PCDHA12: variants seen among roughly 807,000 people sequenced by gnomAD.
The protein encoded by PCDHA12 is protocadherin alpha 12.
Under a neutral mutation model 60.0 loss-of-function variants are expected in PCDHA12, and 44 were observed. The observed-to-expected ratio is 0.73, with a 90% CI of 0.58 to 0.94. PCDHA12 has a LOEUF of 0.94. Ranked by LOEUF, PCDHA12 falls within the 40% of genes least tolerant of loss-of-function variation. PCDHA12 has a pLI of 0.00. For missense variants in PCDHA12, 1,276 were observed against 1,239.7 expected, an observed-to-expected ratio of 1.03 and a Z score of -0.44; for synonymous variants, 569 against 553.0, an observed-to-expected ratio of 1.03 and a Z score of -0.40.
chr5:140,883,581 C>T (rs144119560), intron 1 of PCDHA12: 1 of 1,614,018 alleles, frequency 6.2e-7, no homozygotes, highest in Non-Finnish European at 8.5e-7. Flanking sequence ...CTGTGGGCCA[C>T]GGCCAGCGTG....
intron 1 of PCDHA12, among the ~76,000 whole-genome samples, chr5:140,975,398 TCA>T (rs1554236785): frequency 1.3e-4 from 20 of 152,270 alleles, no homozygotes. Flanking sequence ...TCCATCACAA[TCA>T]CAGTCTTGGA....
intron 1 of PCDHA12, chr5:140,882,751 T>C: frequency 6.2e-7 from 1 of 1,614,242 alleles, no homozygotes; most frequent in Non-Finnish European, 8.5e-7. Flanking sequence ...CCGATGCAGA[T>C]ATTGGAGTAA....
intron 1 of PCDHA12, among the ~76,000 whole-genome samples, chr5:140,897,322 A>C (rs1407696399): frequency 7.4e-6 from 1 of 134,448 alleles, no homozygotes; most frequent in Non-Finnish European, 1.6e-5. Context: ...TCCTAAAGCT[A>C]TCCCTCCCCC....
In PCDHA12 at chr5:140,885,198, T is replaced by A. The variant is rs531029212; in HGVS notation, c.2367+7359T>A. On this transcript the variant is annotated intron_variant, in intron 1 of 3. Coordinates refer to ENST00000398631, the MANE Select transcript of PCDHA12 (RefSeq NM_018903.4). ...TAGGCACATCAGTGTTCCCCTCTCATATATCCCATGAAAAATATCTTGTGA... is the reference window on the plus strand; with the variant it reads ...TAGGCACATCAGTGTTCCCCTCTCAAATATCCCATGAAAAATATCTTGTGA... Among the ~76,000 whole-genome samples the A allele has an allele frequency of 5.9e-5, 9 of 152,276 alleles. No homozygotes were observed. In the South Asian group the frequency reaches 1.7e-3, roughly 28 times the overall value.
At chr5:140,941,634 T>G (rs2093133728) in intron 1 of PCDHA12, among the ~76,000 whole-genome samples, 1 of 152,074 alleles carries the variant, frequency 6.6e-6, no homozygotes, top group South Asian at 2.1e-4. Context: ...TCTTAATTTC[T>G]GTCTTCCTAC....
At chr5:140,969,342 G>A in intron 1 of PCDHA12, 1 of 1,613,630 alleles carries the variant, frequency 6.2e-7, no homozygotes, top group Non-Finnish European at 8.5e-7. Flanking sequence ...GTGAGACAGT[G>A]GTCAGGGGGT....
At chr5:140,882,454 C>G (rs782708863) in intron 1 of PCDHA12, 12 of 1,613,934 alleles carry the variant, frequency 7.4e-6, no homozygotes, top group Non-Finnish European at 1.0e-5. Flanking sequence ...TGGTGCCGCG[C>G]CTGTTCCGGG....
Position 140,994,911 on chromosome 5 carries a change from A to G in PCDHA12, c.2515+12348A>G, listed in dbSNP as rs527704488. Among the ~76,000 whole-genome samples, 14 of 152,340 alleles carry G rather than the reference A, an allele frequency of 9.2e-5. No homozygotes were observed. The East Asian group carries it at 1.7e-3, about 19-fold the overall frequency. On this transcript the variant is annotated intron_variant, in intron 3 of 3. Transcript: ENST00000398631. ...AAATGAGATCAGAAATGTAGACTGGAATCAGATTTTGTAGGACCTTAAACA... is the reference window on the plus strand; with the variant it reads ...AAATGAGATCAGAAATGTAGACTGGGATCAGATTTTGTAGGACCTTAAACA...
intron 3 of PCDHA12, among the ~76,000 whole-genome samples, chr5:140,998,223 G>A (rs1554256200): frequency 6.6e-6 from 1 of 152,140 alleles, no homozygotes; most frequent in Non-Finnish European, 1.5e-5. Context: ...ACCACACCCA[G>A]AAATTTGTGC....
intron 1 of PCDHA12, chr5:140,928,020 T>G: frequency 1.2e-6 from 2 of 1,614,182 alleles, no homozygotes; most frequent in Middle Eastern, 1.6e-4. Context: ...GTAGGGTCAT[T>G]TGTGGCATGT....
chr5:140,933,762 T>C (rs2089409260), intron 1 of PCDHA12, among the ~76,000 whole-genome samples: 1 of 152,128 alleles, frequency 6.6e-6, no homozygotes, highest in African/African-American at 2.4e-5. Flanking sequence ...AGTGAAGCTC[T>C]CTGTACCTAC....
At chr5:140,927,598 T>G (rs2084398863) in intron 1 of PCDHA12, 1 of 1,614,046 alleles carries the variant, frequency 6.2e-7, no homozygotes, top group African/African-American at 1.3e-5. Flanking sequence ...ATTTGAGCGC[T>G]CCGTATACCG....
At chr5:140,958,652 G>A (rs991773774) in intron 1 of PCDHA12, among the ~76,000 whole-genome samples, 15 of 152,030 alleles carry the variant, frequency 9.9e-5, no homozygotes, top group Admixed American at 2.6e-4. Flanking sequence ...ATCACAGAAA[G>A]CTATGATGAA....
chr5:140,945,321 A>G (rs558331825), intron 1 of PCDHA12, among the ~76,000 whole-genome samples: 1 of 152,258 alleles, frequency 6.6e-6, no homozygotes, highest in Non-Finnish European at 1.5e-5. Flanking sequence ...AAATGGAAAT[A>G]TATTTTATGT....
intron 1 of PCDHA12, chr5:140,927,446 TG>T: frequency 2.1e-5 from 34 of 1,614,128 alleles, no homozygotes; most frequent in Non-Finnish European, 2.5e-5. Flanking sequence ...TACCCGGAGT[TG>T]GTGTTGGAGA....
At chr5:141,005,520 G>A (rs34458028) in intron 3 of PCDHA12, among the ~76,000 whole-genome samples, 7,602 of 151,238 alleles carry the variant, frequency 0.05, 239 homozygotes, top group South Asian at 0.11. Flanking sequence ...TGGCTAACAC[G>A]GTGAAACCCC....
intron 3 of PCDHA12, among the ~76,000 whole-genome samples, chr5:140,983,980 G>A (rs1169839423): frequency 6.6e-6 from 1 of 152,286 alleles, no homozygotes; most frequent in African/African-American, 2.4e-5. Flanking sequence ...AAATATACGA[G>A]TTGAAGCAAT....
chr5:140,965,496 ATTT>A (rs71766133), intron 1 of PCDHA12, among the ~76,000 whole-genome samples: 1 of 146,428 alleles, frequency 6.8e-6, no homozygotes. Flanking sequence ...ATGACAGCAG[ATTT>A]TTTTTTTTTT....
intron 1 of PCDHA12, chr5:140,928,117 A>G (rs781867812): frequency 1.1e-5 from 18 of 1,614,208 alleles, no homozygotes; most frequent in Non-Finnish European, 1.5e-5. Context: ...GGAGCAGATC[A>G]GTGAATACCA....
Sources: gnomAD v4.1 joint callset for allele counts (sites outside exome capture counted in the v4.1 genomes callset) on GRCh38, gnomAD v4.1.1 for gene constraint, MANE v1.5 for transcripts, NCBI Gene and HGNC (gene_info 2026-07-23, HGNC 2026-07-21) for gene names.